Variants in NEGR1 observed in about 807,000 individuals in gnomAD.
NEGR1 encodes the protein IgLON family member 4.
A neutral mutation model predicts 40.9 loss-of-function variants in NEGR1; 10 were observed. The ratio of observed to expected loss-of-function variants is 0.24; its 90% CI spans 0.15 to 0.42. The LOEUF is 0.42. Among genes scored for constraint, NEGR1 ranks in the 10% least tolerant of loss-of-function variants. The pLI is 1.00. For synonymous variants in NEGR1, 185 were observed against 166.8 expected (o/e 1.11, Z -0.84); for missense variants, 352 against 438.9 (o/e 0.80, Z 1.77).
chr1:72,022,191 T>G (rs941756758), intron 1 of NEGR1, among the ~76,000 whole-genome samples: 5 of 148,548 alleles, frequency 3.4e-5, no homozygotes, highest in Non-Finnish European at 6.0e-5. Context: ...ACTGATTTTT[T>G]GGGGGAATTG....
At chr1:71,716,242 C>T (rs1654272374) in intron 3 of NEGR1, among the ~76,000 whole-genome samples, 1 of 152,090 alleles carries the variant, frequency 6.6e-6, no homozygotes, top group Non-Finnish European at 1.5e-5. Flanking sequence ...ATTAAATTAT[C>T]TCCAACTGGT....
intron 2 of NEGR1, among the ~76,000 whole-genome samples, chr1:71,851,287 C>T (rs1659592604): frequency 6.6e-6 from 1 of 151,960 alleles, no homozygotes; most frequent in Admixed American, 6.6e-5. Context: ...TTTTTTTCTT[C>T]CTAATATTTT....
intron 1 of NEGR1, among the ~76,000 whole-genome samples, chr1:72,152,435 A>G (rs994247849): frequency 2.0e-5 from 3 of 152,114 alleles, no homozygotes; most frequent in African/African-American, 7.2e-5. Flanking sequence ...ATATCTTCTC[A>G]CACCAGTCAG....
intron 1 of NEGR1, among the ~76,000 whole-genome samples, chr1:71,958,238 T>TC (rs1646134616): frequency 6.6e-6 from 1 of 152,200 alleles, no homozygotes; most frequent in Non-Finnish European, 1.5e-5. Flanking sequence ...TTTCCCCCCT[T>TC]AGGGACATTT....
chr1:71,774,776 T>G (rs1043666790), intron 3 of NEGR1, among the ~76,000 whole-genome samples: 1 of 152,128 alleles, frequency 6.6e-6, no homozygotes, highest in Non-Finnish European at 1.5e-5. Flanking sequence ...ACTCCCAGGG[T>G]GCACCCAAAG....
At chr1:71,521,597 A>C (rs1196258676) in intron 6 of NEGR1, among the ~76,000 whole-genome samples, 7 of 152,164 alleles carry the variant, frequency 4.6e-5, no homozygotes, top group Admixed American at 4.6e-4. Context: ...AAATACAAAC[A>C]GATTGTGTGG....
intron 1 of NEGR1, among the ~76,000 whole-genome samples, chr1:72,007,074 A>T (rs1418716017): frequency 6.6e-6 from 1 of 152,082 alleles, no homozygotes; most frequent in African/African-American, 2.4e-5. Context: ...ATAAATAATC[A>T]CTTCCTTTCA....
At chr1:71,425,424 T>C (rs1646422663) in intron 6 of NEGR1, among the ~76,000 whole-genome samples, 1 of 152,180 alleles carries the variant, frequency 6.6e-6, no homozygotes, top group Non-Finnish European at 1.5e-5. Context: ...TCTACAAACC[T>C]TTCCCCAACT....
At chr1:71,739,027 C>A (rs145123724) in intron 3 of NEGR1, among the ~76,000 whole-genome samples, 5 of 151,812 alleles carry the variant, frequency 3.3e-5, no homozygotes, top group African/African-American at 7.3e-5. Context: ...ATGGTTAATA[C>A]TGAGTGTCAA....
chr1:71,936,441 T>A (rs1283542496), intron 1 of NEGR1, among the ~76,000 whole-genome samples: 1 of 152,174 alleles, frequency 6.6e-6, no homozygotes, highest in African/African-American at 2.4e-5. Flanking sequence ...AATATTTTTA[T>A]GAAATCACAC....
intron 6 of NEGR1, among the ~76,000 whole-genome samples, chr1:71,581,335 C>T (rs985996227): frequency 2.6e-4 from 40 of 152,190 alleles, no homozygotes; most frequent in African/African-American, 4.1e-4. Context: ...AGGGATTAAA[C>T]GTAATGTGTC....
intron 6 of NEGR1, among the ~76,000 whole-genome samples, chr1:71,449,456 C>T (rs1646608028): frequency 6.6e-6 from 1 of 152,156 alleles, no homozygotes. Flanking sequence ...ACTGAAGCTA[C>T]CTCTAAGTTT....
chr1:71,812,666 T>C (rs188385350), intron 2 of NEGR1, among the ~76,000 whole-genome samples: 2 of 152,298 alleles, frequency 1.3e-5, no homozygotes, highest in Admixed American at 6.5e-5. Context: ...GCACTTCTTT[T>C]CAATGTTTGT....
intron 2 of NEGR1, among the ~76,000 whole-genome samples, chr1:71,858,677 TA>T (rs1659855495): frequency 6.6e-6 from 1 of 152,090 alleles, no homozygotes; most frequent in South Asian, 2.1e-4. Flanking sequence ...ATTTAAATCT[TA>T]ATTACTAAAT....
intron 6 of NEGR1, chr1:71,422,497 C>A (rs992710955): frequency 2.0e-5 from 3 of 152,112 alleles, no homozygotes; most frequent in Non-Finnish European, 4.4e-5. Context: ...CATTTATATT[C>A]TTTAAGGAAG....
chr1:71,992,783 A>C (rs1646466933), intron 1 of NEGR1, among the ~76,000 whole-genome samples: 1 of 152,180 alleles, frequency 6.6e-6, no homozygotes, highest in African/African-American at 2.4e-5. Context: ...AGCAGCTCTG[A>C]ATGAAATCTG....
At chr1:72,213,093 T>A (rs551832077) in intron 1 of NEGR1, among the ~76,000 whole-genome samples, 1 of 152,076 alleles carries the variant, frequency 6.6e-6, no homozygotes, top group East Asian at 1.9e-4. Context: ...ATTATTTTTC[T>A]GATGAAAAAG....
chr1:72,075,663 C>A (rs1473682928), intron 1 of NEGR1, among the ~76,000 whole-genome samples: 1 of 152,148 alleles, frequency 6.6e-6, no homozygotes, highest in Non-Finnish European at 1.5e-5. Flanking sequence ...TCAACAGAAG[C>A]TAAAGTTATG....
chr1:71,971,820 T>C (rs958407721), intron 1 of NEGR1, among the ~76,000 whole-genome samples: 3 of 152,240 alleles, frequency 2.0e-5, no homozygotes, highest in Non-Finnish European at 2.9e-5. Flanking sequence ...TAAATTTCCA[T>C]ATTTCACTTT....
Sources: allele counts gnomAD v4.1 joint callset (sites outside exome capture counted in the v4.1 genomes callset), GRCh38; gene constraint gnomAD v4.1.1; transcripts MANE v1.5; gene names NCBI Gene and HGNC (gene_info 2026-07-23, HGNC 2026-07-21).